The following PRMT8 variants were observed in gnomAD, a reference collection of about 807,000 sequenced individuals.
The protein encoded by PRMT8 is protein arginine N-methyltransferase 8.
Under a neutral mutation model 47.1 loss-of-function variants are expected in PRMT8, and 7 were observed. That is an observed-to-expected ratio of 0.15 (90% CI 0.08 to 0.28). The LOEUF (loss-of-function observed/expected upper bound fraction) is 0.28, where lower values mean the gene tolerates loss of function less well. Ranked by LOEUF, PRMT8 falls within the 10% of genes least tolerant of loss-of-function variation. PRMT8 has a pLI of 1.00. For missense variants in PRMT8, 237 were observed against 505.4 expected, an observed-to-expected ratio of 0.47 and a Z score of 5.09; for synonymous variants, 188 against 186.5, an observed-to-expected ratio of 1.01 and a Z score of -0.07.
At chr12:3,499,149 C>A (rs1865552189) in intron 1 of PRMT8, among the ~76,000 whole-genome samples, 2 of 146,676 alleles carry the variant, frequency 1.4e-5, no homozygotes, top group Admixed American at 1.3e-4. Context: ...TCTGCAAAGA[C>A]CCTATTTTTA....
rs1865758753 is a variant in PRMT8 at position 3,514,457 on chromosome 12, C to T, written c.75+22757C>T. Among the ~76,000 whole-genome samples the T allele has an allele frequency of 6.6e-6, 1 of 152,196 alleles. No individual in the cohort carries two copies. The highest frequency in any genetic ancestry group is 1.5e-5 in the Non-Finnish European group (1 of 68,036). On this transcript the variant is annotated intron_variant, in intron 1 of 9. Coordinates refer to ENST00000382622, the MANE Select transcript of PRMT8 (RefSeq NM_019854.5). This position sits in a 1 kb window ranked among gnomAD's most constrained non-coding sequence, Gnocchi z 5.9. ...TTGCTCACCCAGGCCTGCAGAGCCTCTCCAAATCCATCCGTACTTCCACTG... is the reference window on the plus strand; with the variant it reads ...TTGCTCACCCAGGCCTGCAGAGCCTTTCCAAATCCATCCGTACTTCCACTG...
Position 3,540,613 on chromosome 12 carries a change from G to GCCCCCCCCGCCCCCCCC in PRMT8, c.90_91insCGCCCCCCCCCCCCCCC (p.Ser31ArgfsTer41). 3.5e-6 allele frequency: 4 copies of GCCCCCCCCGCCCCCCCC among 1,130,522 alleles called. No individual in the cohort carries two copies. The highest frequency in any genetic ancestry group is 5.3e-6 in the Non-Finnish European group (4 of 752,492). 70.0% of individuals were successfully genotyped at this position (1,130,522 alleles called of 1,614,324 possible). A position where few individuals can be genotyped will look rare whatever the true frequency, so the allele number is the denominator to read the frequency against. ...CCCTTCTCTTCCCCTCAGGTGAACAGCCCCCCCTCCCAGCCCCCCCAGCCC... is the reference window on the plus strand; with the variant it reads ...CCCTTCTCTTCCCCTCAGGTGAACAGCCCCCCCCGCCCCCCCCCCCCCCCTCCCAGCCCCCCCAGCCC... On this transcript the variant is annotated frameshift_variant, in exon 2 of 10. Transcript: ENST00000382622. LOFTEE classifies it high-confidence loss of function.
At chr12:3,463,245 T>TCG (rs1865058315) in intron 1 of PRMT8, 1 of 152,148 alleles carries the variant, frequency 6.6e-6, no homozygotes, top group African/African-American at 2.4e-5. Context: ...AGTGAAACAA[T>TCG]TGTGTTACCC....
chr12:3,478,258 TATC>T (rs1308449897), intron 1 of PRMT8, among the ~76,000 whole-genome samples: 11 of 142,094 alleles, frequency 7.7e-5, no homozygotes, highest in Admixed American at 7.0e-5. Flanking sequence ...TTGATCCACC[TATC>T]ATCTATCTAT....
intron 1 of PRMT8, among the ~76,000 whole-genome samples, chr12:3,479,701 G>T (rs1014764095): frequency 6.6e-6 from 1 of 152,190 alleles, no homozygotes; most frequent in East Asian, 1.9e-4. Context: ...TATGGAAAGG[G>T]CCAGCCTGAG....
chr12:3,437,142 A>G (rs1323329671), intron 1 of PRMT8, among the ~76,000 whole-genome samples: 1 of 152,146 alleles, frequency 6.6e-6, no homozygotes, highest in Admixed American at 6.5e-5. Flanking sequence ...GTAGGCTTCC[A>G]CAAGTTTTTG....
rs753671636 is a variant in PRMT8 at position 3,436,586 on chromosome 12, A to G, written c.48+55144A>G. On this transcript the variant is annotated intron_variant, in intron 1 of 9. Coordinates refer to the PRMT8 transcript ENST00000452611. This position sits in a 1 kb window ranked among gnomAD's most constrained non-coding sequence, Gnocchi z 4.2. ...GTAATTTTTCTAAGAGGAGGCAGGA[A>G]TGCGGCCGACTGGGCTCCACTGTCC... 1.3e-5 allele frequency among the ~76,000 whole-genome samples: 2 copies of G among 152,174 alleles called. No homozygotes were observed. Among genetic ancestry groups the G allele is most frequent in the African/African-American group, 2.4e-5 (1 of 41,442 alleles).
intron 1 of PRMT8, among the ~76,000 whole-genome samples, chr12:3,465,173 TTA>T (rs1202445714): frequency 0.011 from 1,608 of 141,976 alleles, 30 homozygotes; most frequent in African/African-American, 0.039. Context: ...AAATATATAT[TTA>T]TATATATATT....
At chr12:3,489,921 C>T (rs1865361820), upstream of PRMT8, among the ~76,000 whole-genome samples, 1 of 152,146 alleles carries the variant, frequency 6.6e-6, no homozygotes, top group Non-Finnish European at 1.5e-5. Flanking sequence ...CTATCCCTCA[C>T]TTCTCACCTC....
chr12:3,432,485 T>G (rs1270941235), intron 1 of PRMT8, among the ~76,000 whole-genome samples: 1 of 151,924 alleles, frequency 6.6e-6, no homozygotes, highest in Non-Finnish European at 1.5e-5. Flanking sequence ...GCAGAGGAGA[T>G]GACATGCAAA....
intron 1 of PRMT8, among the ~76,000 whole-genome samples, chr12:3,515,315 C>A (rs186498942): frequency 6.6e-6 from 1 of 152,302 alleles, no homozygotes; most frequent in East Asian, 1.9e-4. Context: ...TCCACCTGCT[C>A]ACTGGTGTGG....
intron 3 of PRMT8, chr12:3,551,561 C>CG: frequency 6.6e-6 from 1 of 152,372 alleles, no homozygotes; most frequent in Admixed American, 6.5e-5. Context: ...CTGAGTCATC[C>CG]GGGGGCTCCA....
At chr12:3,390,507 C>G (rs2137045329) in intron 1 of PRMT8, among the ~76,000 whole-genome samples, 1 of 152,300 alleles carries the variant, frequency 6.6e-6, no homozygotes, top group Non-Finnish European at 1.5e-5. Context: ...TTTACTGTGC[C>G]AGTCTGTTTA....
In PRMT8 at chr12:3,493,089, C is replaced by T. The variant is rs982363717; in HGVS notation, c.75+1389C>T. ...TCTCTGAGAGACTAGAAGCAGCATG[C>T]ATCTGACAATTGTCAATTTCAAAAC... On this transcript the variant is annotated intron_variant, in intron 1 of 9. Transcript: ENST00000382622. This position sits in a 1 kb window ranked among gnomAD's most constrained non-coding sequence, Gnocchi z 8.2. Among the ~76,000 whole-genome samples the T allele has an allele frequency of 1.3e-5, 2 of 152,170 alleles. No individual in the cohort carries two copies. The highest frequency in any genetic ancestry group is 4.8e-5 in the African/African-American group (2 of 41,428).
At chr12:3,540,582 C>T (rs781403164) in intron 1 of PRMT8, 24 bp from the exon 2 acceptor site, 13 of 1,504,492 alleles carry the variant, frequency 8.6e-6, no homozygotes, top group South Asian at 8.0e-5. Flanking sequence ...CTCCTAACAC[C>T]CGACCCCCTT....
intron 1 of PRMT8, chr12:3,469,279 C>G: frequency 4.6e-6 from 2 of 432,184 alleles, no homozygotes; most frequent in South Asian, 3.8e-5. Flanking sequence ...CTCACGACCC[C>G]CACCAAAGCC....
At chr12:3,578,626 G>A (rs879867530) in intron 7 of PRMT8, among the ~76,000 whole-genome samples, 17 of 152,118 alleles carry the variant, frequency 1.1e-4, no homozygotes, top group African/African-American at 3.1e-4. Flanking sequence ...TGAAAGTATC[G>A]GGGCAGGGTA....
At chr12:3,482,713 G>A (rs1228588122) in intron 1 of PRMT8, among the ~76,000 whole-genome samples, 1 of 152,142 alleles carries the variant, frequency 6.6e-6, no homozygotes. Flanking sequence ...GTGCCTGAGA[G>A]TTGAACAACA....
chr12:3,581,936 C>A (rs1867075391), intron 7 of PRMT8, among the ~76,000 whole-genome samples: 1 of 152,218 alleles, frequency 6.6e-6, no homozygotes, highest in African/African-American at 2.4e-5. Flanking sequence ...AAAGCCATTT[C>A]ATCGCTTTGC....
Sources: allele counts gnomAD v4.1 joint callset (sites outside exome capture counted in the v4.1 genomes callset), GRCh38; gene constraint gnomAD v4.1.1; non-coding constraint Gnocchi (gnomAD v3.1); transcripts MANE v1.5; gene names NCBI Gene and HGNC (gene_info 2026-07-23, HGNC 2026-07-21).